The following ASPH variants were observed in gnomAD, a reference collection of about 807,000 sequenced individuals.
ASPH encodes the protein aspartyl/asparaginyl beta-hydroxylase.
Under a neutral mutation model 118.4 loss-of-function variants are expected in ASPH, and 100 were observed. That is an observed-to-expected ratio of 0.84 (90% CI 0.72 to 1.00). The LOEUF (loss-of-function observed/expected upper bound fraction) is 1.00. Ranked by LOEUF, ASPH falls within the 50% of genes least tolerant of loss-of-function variation. The pLI is 0.00. For missense variants in ASPH, 920 were observed against 919.5 expected, an observed-to-expected ratio of 1.00 and a Z score of -0.01; for synonymous variants, 315 against 325.6, an observed-to-expected ratio of 0.97 and a Z score of 0.35.
chr8:61,633,675 T>C lies in ASPH; in HGVS notation c.934+8A>G. On this transcript the variant is annotated splice_region_variant and intron_variant, in intron 13 of 24. Transcript: ENST00000379454. ...AAAGAGGAAAATACAACATACAAAATGTCATACCTGGTGGTACTTCCTGCT... is the reference window on the plus strand; with the variant it reads ...AAAGAGGAAAATACAACATACAAAACGTCATACCTGGTGGTACTTCCTGCT... 1.3e-6 allele frequency: 2 copies of C among 1,593,146 alleles called. No homozygotes were observed. Among genetic ancestry groups the C allele is most frequent in the East Asian group, 2.3e-5 (1 of 44,288 alleles).
intron 13 of ASPH, among the ~76,000 whole-genome samples, chr8:61,628,167 T>C (rs1371420173): frequency 2.0e-5 from 3 of 151,766 alleles, no homozygotes; most frequent in Non-Finnish European, 4.4e-5. Flanking sequence ...AGATCCAAAC[T>C]TTTATTTTTT....
At chr8:61,587,188 C>T (rs1839726998) in intron 14 of ASPH, among the ~76,000 whole-genome samples, 1 of 152,158 alleles carries the variant, frequency 6.6e-6, no homozygotes, top group Non-Finnish European at 1.5e-5. Context: ...ACCCTAATCC[C>T]TGTAATGTTG....
At chr8:61,627,603 T>C (rs16927655) in intron 13 of ASPH, among the ~76,000 whole-genome samples, 2,060 of 152,300 alleles carry the variant, frequency 0.014, 46 homozygotes, top group African/African-American at 0.047. Flanking sequence ...GAGTTTTAGA[T>C]TCTCTTGGCA....
intron 3 of ASPH, chr8:61,675,896 A>G (rs1207084292): frequency 2.9e-6 from 4 of 1,401,436 alleles, no homozygotes; most frequent in Non-Finnish European, 3.7e-6. Flanking sequence ...AAGTTGGGGG[A>G]GCTGAGCGAG....
intron 13 of ASPH, chr8:61,632,132 T>C (rs1232827493): frequency 1.3e-5 from 2 of 152,186 alleles, no homozygotes; most frequent in African/African-American, 4.8e-5. Flanking sequence ...ATTAATCAGA[T>C]CTTCATTTGT....
intron 16 of ASPH, among the ~76,000 whole-genome samples, chr8:61,575,941 C>T (rs138958472): frequency 1.4e-3 from 212 of 152,278 alleles, no homozygotes; most frequent in African/African-American, 4.4e-3. Flanking sequence ...CCAGCCAGTC[C>T]TAAACTGTTC....
chr8:61,638,152 G>T, intron 11 of ASPH, 149 bp from the exon 12 acceptor site: 1 of 1,136,248 alleles, frequency 8.8e-7, no homozygotes, highest in Non-Finnish European at 1.3e-6. Context: ...CTTCTGCAGA[G>T]TATTTATATT....
intron 1 of ASPH, among the ~76,000 whole-genome samples, chr8:61,702,592 T>G (rs911665864): frequency 6.6e-6 from 1 of 152,070 alleles, no homozygotes; most frequent in Admixed American, 6.5e-5. Flanking sequence ...AGCCCCCCAA[T>G]AACTACTTCT....
At chr8:61,592,854 C>T (rs888726925) in intron 14 of ASPH, among the ~76,000 whole-genome samples, 1 of 152,196 alleles carries the variant, frequency 6.6e-6, no homozygotes, top group Non-Finnish European at 1.5e-5. Flanking sequence ...AGAAACATCA[C>T]TCTACATTTG....
intron 20 of ASPH, among the ~76,000 whole-genome samples, chr8:61,551,923 G>A (rs935522569): frequency 1.4e-4 from 21 of 152,152 alleles, no homozygotes; most frequent in Admixed American, 7.9e-4. Flanking sequence ...GTTAGAGGGG[G>A]AAAGGTACAG....
At chr8:61,700,017 G>A (rs924262042) in intron 1 of ASPH, among the ~76,000 whole-genome samples, 25 of 152,218 alleles carry the variant, frequency 1.6e-4, no homozygotes, top group African/African-American at 4.8e-4. Flanking sequence ...AAGTACCAGC[G>A]TTTGTACCAT....
At chr8:61,604,367 A>C (rs1844966266) in intron 14 of ASPH, among the ~76,000 whole-genome samples, 1 of 152,236 alleles carries the variant, frequency 6.6e-6, no homozygotes, top group South Asian at 2.1e-4. Flanking sequence ...AGGGAGGAAA[A>C]AAAGACTTGA....
At chr8:61,668,952 C>T (rs1292528213) in intron 3 of ASPH, among the ~76,000 whole-genome samples, 2 of 152,294 alleles carry the variant, frequency 1.3e-5, no homozygotes, top group South Asian at 2.1e-4. Flanking sequence ...TACTTAGCAT[C>T]CCAATGAACT....
chr8:61,598,011 C>T (rs1402264202), intron 14 of ASPH, among the ~76,000 whole-genome samples: 1 of 152,114 alleles, frequency 6.6e-6, no homozygotes, highest in African/African-American at 2.4e-5. Context: ...GTTACCAGTA[C>T]AGAAAACTAC....
intron 24 of ASPH, among the ~76,000 whole-genome samples, chr8:61,505,191 C>T (rs1290345548): frequency 1.3e-5 from 2 of 152,126 alleles, no homozygotes; most frequent in Non-Finnish European, 2.9e-5. Context: ...TCTCTTGCCG[C>T]CACCAGGTAA....
Position 61,548,053 on chromosome 8 carries a change from T to C in ASPH, c.1764+18A>G, listed in dbSNP as rs763427755. 6.2e-7 allele frequency: 1 copy of C among 1,605,648 alleles called. No individual in the cohort carries two copies. Among genetic ancestry groups the C allele is most frequent in the Non-Finnish European group, 8.5e-7 (1 of 1,175,760 alleles). ...ATAGACAAAGATCTGGTGAGGATGA[T>C]GTCTAAGTTATACTTACCTTTACTA... On this transcript the variant is annotated intron_variant, in intron 21 of 24. Transcript: ENST00000379454.
At chr8:61,517,763 C>A in intron 23 of ASPH, 102 bp from the exon 24 acceptor site, 1 of 1,417,118 alleles carries the variant, frequency 7.1e-7, no homozygotes, top group Non-Finnish European at 9.6e-7. Flanking sequence ...TGGATTAGAG[C>A]CTTTGTAAGA....
At chr8:61,577,425 A>C (rs1835679734) in intron 15 of ASPH, among the ~76,000 whole-genome samples, 1 of 148,228 alleles carries the variant, frequency 6.7e-6, no homozygotes, top group Non-Finnish European at 1.5e-5. Context: ...AAAAAAAAAG[A>C]CAAGACACCT....
intron 18 of ASPH, among the ~76,000 whole-genome samples, chr8:61,559,234 C>T (rs901848778): frequency 6.6e-6 from 1 of 152,126 alleles, no homozygotes; most frequent in South Asian, 2.1e-4. Context: ...CTCTAGCTTA[C>T]TTCATTATAA....
Sources: allele counts gnomAD v4.1 joint callset (sites outside exome capture counted in the v4.1 genomes callset), GRCh38; gene constraint gnomAD v4.1.1; transcripts MANE v1.5; gene names NCBI Gene and HGNC (gene_info 2026-07-23, HGNC 2026-07-21).